The following CAMK2D variants were observed in gnomAD, a reference collection of about 807,000 sequenced individuals.
CAMK2D encodes calcium/calmodulin dependent protein kinase II delta, also known as calcium/calmodulin-dependent protein kinase type II subunit delta.
CAMK2D carries 37 observed loss-of-function variants against 84.0 expected under a neutral mutation model. The observed-to-expected ratio is 0.44, with a 90% CI of 0.34 to 0.58. CAMK2D has a LOEUF of 0.58. CAMK2D is among the 20% of genes least tolerant of loss of function. CAMK2D has a pLI of 0.02. For synonymous variants in CAMK2D, 202 were observed against 212.5 expected (o/e 0.95, Z 0.43); for missense variants, 448 against 652.5 (o/e 0.69, Z 3.41).
intron 2 of CAMK2D, among the ~76,000 whole-genome samples, chr4:113,737,256 A>G (rs1489924580): frequency 4.6e-5 from 7 of 152,236 alleles, no homozygotes; most frequent in Non-Finnish European, 7.3e-5. Flanking sequence ...ATGTCCATCA[A>G]CAGACGAATG....
At chr4:113,756,620 G>A (rs527590325) in intron 2 of CAMK2D, among the ~76,000 whole-genome samples, 1 of 151,954 alleles carries the variant, frequency 6.6e-6, no homozygotes, top group Non-Finnish European at 1.5e-5. Context: ...GACTTCATAG[G>A]TTAAGACATA....
Position 113,452,127 on chromosome 4 carries a change from T to G in CAMK2D, c.*2418A>C, listed in dbSNP as rs1248360378. 2.9e-5 allele frequency: 3 copies of G among 104,622 alleles called. No homozygotes were observed. 6.5% of individuals were successfully genotyped at this position (104,622 alleles called of 1,614,324 possible). On this transcript the variant is annotated 3_prime_UTR_variant, in exon 21 of 21. Transcript: ENST00000511664. ...ACATCAAAGTGTTACAAGGACAGGT[T>G]CGTATTAAAAAAAAAAAAAAAAAGC...
intron 3 of CAMK2D, among the ~76,000 whole-genome samples, chr4:113,628,274 G>C (rs1226769972): frequency 6.6e-6 from 1 of 152,022 alleles, no homozygotes; most frequent in Non-Finnish European, 1.5e-5. Context: ...GACTACATTA[G>C]CAAATTACAC....
intron 8 of CAMK2D, among the ~76,000 whole-genome samples, chr4:113,523,659 C>T (rs2098390567): frequency 6.6e-6 from 1 of 151,958 alleles, no homozygotes; most frequent in Non-Finnish European, 1.5e-5. Flanking sequence ...GTAGTCCCCA[C>T]TACAGGGGAG....
At chr4:113,719,092 T>A (rs1435663026) in intron 2 of CAMK2D, among the ~76,000 whole-genome samples, 1 of 152,208 alleles carries the variant, frequency 6.6e-6, no homozygotes, top group Non-Finnish European at 1.5e-5. Context: ...GAATAATTTA[T>A]GTGATTATTT....
chr4:113,751,055 G>A (rs2099615999), intron 2 of CAMK2D, among the ~76,000 whole-genome samples: 1 of 152,050 alleles, frequency 6.6e-6, no homozygotes, highest in African/African-American at 2.4e-5. Context: ...AAAGAAAAGA[G>A]AGTTCAAATT....
intron 8 of CAMK2D, among the ~76,000 whole-genome samples, chr4:113,528,734 C>T (rs886645570): frequency 6.6e-6 from 1 of 152,194 alleles, no homozygotes; most frequent in Non-Finnish European, 1.5e-5. Flanking sequence ...TTGTATCCTT[C>T]ACAAAACCTG....
At chr4:113,486,623 TC>T (rs2097768097) in intron 16 of CAMK2D, among the ~76,000 whole-genome samples, 1 of 152,228 alleles carries the variant, frequency 6.6e-6, no homozygotes, top group Admixed American at 6.5e-5. Context: ...TAAGCCTGAA[TC>T]CTTGGCATGT....
chr4:113,743,812 C>G (rs2099598370), intron 2 of CAMK2D, among the ~76,000 whole-genome samples: 1 of 152,010 alleles, frequency 6.6e-6, no homozygotes, highest in African/African-American at 2.4e-5. Context: ...CCTGAAATTA[C>G]TCCCAATTCT....
intron 5 of CAMK2D, chr4:113,548,564 A>G (rs1677262165): frequency 3.2e-6 from 2 of 620,948 alleles, no homozygotes; most frequent in Admixed American, 5.8e-5. Flanking sequence ...TGGGAAAGGC[A>G]AGGGAACCAT....
chr4:113,500,357 A>C (rs1646138154), intron 16 of CAMK2D, 106 bp downstream of exon 16: 3 of 545,680 alleles, frequency 5.5e-6, no homozygotes, highest in Non-Finnish European at 9.7e-6. Context: ...TTTGTGCTTT[A>C]GGATAGGCCT....
chr4:113,500,545 G>A (rs374113938), intron 15 of CAMK2D, 34 bp from the exon 16 acceptor site: 166 of 1,433,832 alleles, frequency 1.2e-4, no homozygotes, highest in East Asian at 1.6e-4. Flanking sequence ...TAGGTTGCAC[G>A]CAATGAATAG....
intron 13 of CAMK2D, chr4:113,508,111 G>T: frequency 1.5e-6 from 1 of 675,820 alleles, no homozygotes; most frequent in Non-Finnish European, 2.7e-6. Context: ...TTTGATAGTT[G>T]ACTAACACTG....
At chr4:113,737,703 C>T (rs1221796013) in intron 2 of CAMK2D, among the ~76,000 whole-genome samples, 1 of 152,064 alleles carries the variant, frequency 6.6e-6, no homozygotes, top group South Asian at 2.1e-4. Flanking sequence ...CCTTCACTGT[C>T]CTTTATATTT....
chr4:113,636,402 A>C (rs987100512), intron 3 of CAMK2D, among the ~76,000 whole-genome samples: 1 of 152,198 alleles, frequency 6.6e-6, no homozygotes, highest in Non-Finnish European at 1.5e-5. Flanking sequence ...TGGCCCTTGC[A>C]GTCCTCTTGC....
At chr4:113,472,928 C>T (rs186670257) in intron 16 of CAMK2D, among the ~76,000 whole-genome samples, 4 of 152,272 alleles carry the variant, frequency 2.6e-5, no homozygotes, top group African/African-American at 9.6e-5. Flanking sequence ...CTGTCAGAGA[C>T]TTGAAGGACA....
At chr4:113,687,610 G>A (rs1296439423) in intron 2 of CAMK2D, among the ~76,000 whole-genome samples, 1 of 152,194 alleles carries the variant, frequency 6.6e-6, no homozygotes, top group Non-Finnish European at 1.5e-5. Flanking sequence ...TTTGTCTTGT[G>A]ACTAAACAAG....
intron 4 of CAMK2D, among the ~76,000 whole-genome samples, chr4:113,554,123 T>C (rs2098648491): frequency 6.6e-6 from 1 of 152,142 alleles, no homozygotes; most frequent in Non-Finnish European, 1.5e-5. Context: ...ATTTGGCCTA[T>C]GAAAAATACC....
intron 2 of CAMK2D, among the ~76,000 whole-genome samples, chr4:113,696,199 C>CACACACAGACACACAG (rs2099402220): frequency 1.6e-4 from 1 of 6,290 alleles, no homozygotes; most frequent in African/African-American, 2.2e-4. Flanking sequence ...CACACAGACA[C>CACACACAGACACACAG]ACACACACAC....
Sources: gnomAD v4.1 joint callset for allele counts (sites outside exome capture counted in the v4.1 genomes callset) on GRCh38, gnomAD v4.1.1 for gene constraint, MANE v1.5 for transcripts, NCBI Gene and HGNC (gene_info 2026-07-23, HGNC 2026-07-21) for gene names.